The following PTCD3 variants were observed in gnomAD, a reference collection of about 807,000 sequenced individuals.
PTCD3 encodes pentatricopeptide repeat domain 3.
In PTCD3, 89 loss-of-function variants were observed where a neutral mutation model predicts 101.9. The ratio of observed to expected loss-of-function variants is 0.87; its 90% CI spans 0.74 to 1.04. The LOEUF is 1.04. PTCD3 is among the 50% of genes least tolerant of loss of function. The probability of loss-of-function intolerance (pLI) is 0.00; values close to 1 mark genes in which losing one functional copy is unlikely to be tolerated. For missense variants in PTCD3, 870 were observed against 828.2 expected, an observed-to-expected ratio of 1.05 and a Z score of -0.62; for synonymous variants, 296 against 278.5, an observed-to-expected ratio of 1.06 and a Z score of -0.63.
Position 86,123,757 on chromosome 2 carries a change from A to G in PTCD3, c.711A>G (p.Thr237=), listed in dbSNP as rs769990734. The G allele has an allele frequency of 2.4e-5, 39 of 1,599,050 alleles. No homozygotes were observed. The highest frequency in any genetic ancestry group is 3.1e-5 in the Non-Finnish European group (36 of 1,172,980). ...RRKAGHQFGV[T]WRAKNNAERI... ...AAGCTGGTCATCAGTTTGGAGTTAC[A>G]TGGCGGTATGTCACACGTAATTAGA... The change falls in exon 9 of 24, where the codon ACA becomes ACG. Residue 237 remains threonine, a synonymous_variant. Transcript: ENST00000254630.
At position 86,132,411 on chromosome 2, in the gene PTCD3, C is replaced by T. The variant is rs779541176; in HGVS notation, c.1360C>T (p.Arg454Cys). The T allele has an allele frequency of 1.1e-5, 18 of 1,588,830 alleles. No homozygotes were observed. The highest frequency in any genetic ancestry group is 1.5e-5 in the Non-Finnish European group (17 of 1,157,828). The part of the protein sequence containing the change: ...NWKFIGPDQH[R>C]NFYYSKFFDL... ...GAAATTCATTGGACCTGATCAACAT[C>T]GTAATTTCTATTAGTAAGTGTGTTG... Residue 454 changes from arginine (R) to cysteine (C), a missense_variant, in exon 17 of 24, where the codon CGT (arginine) becomes TGT (cysteine). Transcript: ENST00000254630.
Position 86,118,930 on chromosome 2 carries a change from C to A in PTCD3, c.424C>A (p.Pro142Thr). The change falls in exon 7 of 24, where the codon CCT becomes ACT. Residue 142 changes from proline (P) to threonine (T), a missense_variant. Transcript: ENST00000254630. The stretch of plus-strand genomic sequence containing the variant: ...CATCTTGTTTTCCTAGTGTTTAATG[C>A]CTGAGTACTTTGAACCTCAGATCAA... ...IAEPHIPCLM[P>T]EYFEPQIKDI... The A allele has an allele frequency of 1.2e-6, 2 of 1,612,914 alleles. No homozygotes were observed. The highest frequency in any genetic ancestry group is 1.7e-6 in the Non-Finnish European group (2 of 1,179,620).
intron 21 of PTCD3, chr2:86,135,729 C>G (rs1157100028): frequency 3.1e-6 from 1 of 326,994 alleles, no homozygotes; most frequent in Non-Finnish European, 5.9e-6. Context: ...AGTCAGCTAT[C>G]TCCAGGAAAA....
rs182002827 is a variant in PTCD3 at position 86,109,263 on chromosome 2, G to A, written c.194+727G>A. On this transcript the variant is annotated intron_variant, in intron 3 of 23. Coordinates refer to ENST00000254630, the MANE Select transcript of PTCD3 (RefSeq NM_017952.6). Reference sequence around the variant, plus strand: ...TACTAAAAATACAAAAAAATTAGCCGGATGTGGTGGGGGGTCGCCTGTAGT... The same window carrying A: ...TACTAAAAATACAAAAAAATTAGCCAGATGTGGTGGGGGGTCGCCTGTAGT... Among the ~76,000 whole-genome samples, 28 of 152,240 alleles carry A rather than the reference G, an allele frequency of 1.8e-4. 1 individual carries two copies. Among genetic ancestry groups the A allele is most frequent in the Admixed American group, 1.5e-3 (23 of 15,290 alleles).
Position 86,108,606 on chromosome 2 carries a change from G to T in PTCD3, c.194+70G>T, listed in dbSNP as rs1014607822. The stretch of plus-strand genomic sequence containing the variant: ...ACTATGAGAGAAGTGTAAGGGTTAG[G>T]TAAGGAGACAGTGACAGGAAGAGCA... On this transcript the variant is annotated intron_variant, in intron 3 of 23. Coordinates refer to ENST00000254630, the MANE Select transcript of PTCD3 (RefSeq NM_017952.6). 8.6e-6 allele frequency: 12 copies of T among 1,398,068 alleles called. No individual in the cohort carries two copies. In the Admixed American group the frequency reaches 2.8e-4, roughly 32 times the overall value. The allele number at this position is 1,398,068 out of a possible 1,614,324, so 86.6% of individuals were successfully genotyped here.
chr2:86,131,138 C>T, intron 16 of PTCD3, 32 bp downstream of exon 16: 4 of 1,540,186 alleles, frequency 2.6e-6, no homozygotes, highest in Non-Finnish European at 3.5e-6. Context: ...ATTTGCTATC[C>T]ATTTCCTAAA....
chr2:86,118,336 G>A (rs1465573293), intron 6 of PTCD3, among the ~76,000 whole-genome samples: 1 of 152,094 alleles, frequency 6.6e-6, no homozygotes, highest in African/African-American at 2.4e-5. Context: ...AAACAGATGC[G>A]CCTCTGCCCT....
chr2:86,129,849 G>A (rs1674464335), intron 14 of PTCD3, among the ~76,000 whole-genome samples: 1 of 152,174 alleles, frequency 6.6e-6, no homozygotes, highest in Admixed American at 6.5e-5. Context: ...GGAAAGGAGT[G>A]TAGAGAAATA....
intron 19 of PTCD3, 79 bp from the exon 20 acceptor site, chr2:86,134,213 A>G: frequency 9.2e-7 from 1 of 1,081,598 alleles, no homozygotes; most frequent in Non-Finnish European, 1.4e-6. Flanking sequence ...TTTACCTACC[A>G]AAAAATAGGT....
At chr2:86,109,599 A>G (rs1674037882) in intron 3 of PTCD3, among the ~76,000 whole-genome samples, 1 of 152,208 alleles carries the variant, frequency 6.6e-6, no homozygotes, top group African/African-American at 2.4e-5. Context: ...ACGTTTGTTT[A>G]TGGGACAGTA....
At chr2:86,129,441 G>C (rs896484198) in intron 14 of PTCD3, among the ~76,000 whole-genome samples, 4 of 152,170 alleles carry the variant, frequency 2.6e-5, no homozygotes, top group Non-Finnish European at 1.5e-5. Flanking sequence ...CTTGAGCCCA[G>C]GAGTTTGAAA....
At position 86,132,374 on chromosome 2, in the gene PTCD3, C is replaced by T. The variant is rs528927400; in HGVS notation, c.1323C>T (p.Thr441=). ...LAYQVHGLLK[T]GDNWKFIGPD... ...ACCAAGTACATGGCCTTTTAAAAAC[C>T]GGAGACAACTGGAAATTCATTGGAC... Residue 441 remains threonine (T), a synonymous_variant, in exon 17 of 24, where the codon ACC becomes ACT. Coordinates refer to ENST00000254630, the MANE Select transcript of PTCD3 (RefSeq NM_017952.6). 23 of 1,609,710 alleles carry T rather than the reference C, an allele frequency of 1.4e-5. No individual in the cohort carries two copies. Among genetic ancestry groups the T allele is most frequent in the East Asian group, 6.7e-5 (3 of 44,828 alleles).
rs762367287 is a variant in PTCD3, at chr2:86,137,113, G to T, written c.1952G>T (p.Ser651Ile). ...GAGGGCCTCACCCAGAGAGTAATGA[G>T]TGATTTTGCAATCAACCAGGAACAA... Reference protein sequence around the residue: ...ICEGLTQRVMSDFAINQEQKE... With the variant: ...ICEGLTQRVMIDFAINQEQKE... Residue 651 changes from serine to isoleucine, a missense_variant, in exon 23 of 24, where the codon AGT becomes ATT. Ser to Ile is a moderately radical substitution (Grantham distance 142). Coordinates refer to ENST00000254630, the MANE Select transcript of PTCD3 (RefSeq NM_017952.6). The T allele has an allele frequency of 6.3e-7, 1 of 1,593,998 alleles. No homozygotes were observed. Among genetic ancestry groups the T allele is most frequent in the South Asian group, 1.1e-5 (1 of 87,776 alleles).
At position 86,130,720 on chromosome 2, in the gene PTCD3, C is replaced by T. The variant is rs1674481016; in HGVS notation, c.1220C>T (p.Pro407Leu). The T allele has an allele frequency of 6.2e-7, 1 of 1,613,348 alleles. No homozygotes were observed. The highest frequency in any genetic ancestry group is 2.2e-5 in the East Asian group (1 of 44,860). ...MNELMGKRFSPKDPDDDKFFQ... is the reference protein window; with the variant it reads ...MNELMGKRFSLKDPDDDKFFQ... The stretch of plus-strand genomic sequence containing the variant: ...GAATTAATGGGAAAGAGATTTTCTC[C>T]AAAGGACCCGGATGATGGCATGTAT... Residue 407 changes from proline to leucine, a missense_variant, in exon 15 of 24, where the codon CCA becomes CTA. Transcript: ENST00000254630.
intron 20 of PTCD3, 132 bp from the exon 21 acceptor site, chr2:86,134,707 T>C: frequency 9.7e-7 from 1 of 1,028,924 alleles, no homozygotes; most frequent in East Asian, 2.4e-5. Context: ...TTAAATTACT[T>C]GTGTGCTATA....
chr2:86,137,763 C>T lies in PTCD3; in HGVS notation c.*204C>T. The T allele has an allele frequency of 1.7e-6, 1 of 604,740 alleles. No individual in the cohort carries two copies. Among genetic ancestry groups the T allele is most frequent in the Non-Finnish European group, 2.7e-6 (1 of 366,846 alleles). 37.5% of individuals were successfully genotyped at this position (604,740 alleles called of 1,614,324 possible). A position where few individuals can be genotyped will look rare whatever the true frequency, so the allele number is the denominator to read the frequency against. On this transcript the variant is annotated 3_prime_UTR_variant, in exon 24 of 24. Transcript: ENST00000254630. ...TGCTACTTAACCATCTATTAATGCA[C>T]CATTAAAGGCTTAGCATTTAAGTAG...
chr2:86,116,549 A>T lies in PTCD3; in HGVS notation c.260A>T (p.Tyr87Phe), dbSNP rs2104450882. ...TVNRDTTAVPYVFQDDPYLMP... is the reference protein window; with the variant it reads ...TVNRDTTAVPFVFQDDPYLMP... ...CCACAGGATACCACAGCTGTGCCTT[A>T]TGTGTTTCAAGATGATCCTTACCTT... Residue 87 changes from tyrosine to phenylalanine, a missense_variant, in exon 5 of 24, where the codon TAT (tyrosine) becomes TTT (phenylalanine). Physicochemically the swap from Tyr to Phe is conservative, Grantham distance 22. Transcript: ENST00000254630. 6.2e-7 allele frequency: 1 copy of T among 1,610,028 alleles called. No individual in the cohort carries two copies. The highest frequency in any genetic ancestry group is 1.7e-4 in the Middle Eastern group (1 of 6,042).
rs1558803268 is a variant in PTCD3 at position 86,142,065 on chromosome 2, G to A, written c.*4506G>A. The A allele has an allele frequency of 1.3e-5, 2 of 150,854 alleles. No individual in the cohort carries two copies. Among genetic ancestry groups the A allele is most frequent in the African/African-American group, 2.4e-5 (1 of 41,050 alleles). The allele number at this position is 150,854 out of a possible 1,614,324, so 9.3% of individuals were successfully genotyped here. On this transcript the variant is annotated 3_prime_UTR_variant, in exon 24 of 24. Coordinates refer to ENST00000254630, the MANE Select transcript of PTCD3 (RefSeq NM_017952.6). ...TTCCTAATAAGCAATCAAGGGGGGT[G>A]GGTGTGTTGGCTGGTAAAGGAACTA...
At position 86,141,373 on chromosome 2, in the gene PTCD3, TGAAA is replaced by T. The variant is rs1332763499; in HGVS notation, c.*3815_*3818del. 2 of 152,288 alleles carry T rather than the reference TGAAA, an allele frequency of 1.3e-5. No homozygotes were observed. The highest frequency in any genetic ancestry group is 2.9e-5 in the Non-Finnish European group (2 of 68,112). 9.4% of individuals were successfully genotyped at this position (152,288 alleles called of 1,614,324 possible). A position where few individuals can be genotyped will look rare whatever the true frequency, so the allele number is the denominator to read the frequency against. On this transcript the variant is annotated 3_prime_UTR_variant, in exon 24 of 24. Coordinates refer to ENST00000254630, the MANE Select transcript of PTCD3 (RefSeq NM_017952.6). The stretch of plus-strand genomic sequence containing the variant: ...CTGGACCTGATGAAGCGAATCTGCC[TGAAA>T]TTTAATACGCCTTTTTATTTCCCTT...
Sources: gnomAD v4.1 joint callset for allele counts (sites outside exome capture counted in the v4.1 genomes callset) on GRCh38, gnomAD v4.1.1 for gene constraint, MANE v1.5 for transcripts, NCBI Gene and HGNC (gene_info 2026-07-23, HGNC 2026-07-21) for gene names.